ATP13A3: variants seen among roughly 807,000 people sequenced by gnomAD.
ATP13A3 encodes ATPase 13A3.
In ATP13A3, 59 loss-of-function variants were observed where a neutral mutation model predicts 158.1. The ratio of observed to expected loss-of-function variants is 0.37; its 90% CI spans 0.30 to 0.46. The LOEUF (loss-of-function observed/expected upper bound fraction) is 0.46. Among genes scored for constraint, ATP13A3 ranks in the 20% least tolerant of loss-of-function variants. ATP13A3 has a pLI of 1.00. For synonymous variants in ATP13A3, 491 were observed against 504.3 expected (o/e 0.97, Z 0.35); for missense variants, 1,166 against 1,525.2 (o/e 0.76, Z 3.92).
rs1721178871 is a variant in ATP13A3 at position 194,494,179 on chromosome 3, G to A, written n.617C>T. Reference sequence around the variant, plus strand: ...CTCGCATCAAAACTCTGGATTATCTGTTTAAGCACCCAGACTTCCACCTCC... The same window carrying A: ...CTCGCATCAAAACTCTGGATTATCTATTTAAGCACCCAGACTTCCACCTCC... On this transcript the variant is annotated non_coding_transcript_exon_variant, in exon 2 of 33. Transcript: ENST00000687055. This position sits in a 1 kb window ranked among gnomAD's most constrained non-coding sequence, Gnocchi z 4.2. 1 of 398,478 alleles carries A rather than the reference G, an allele frequency of 2.5e-6. No individual in the cohort carries two copies. The highest frequency in any genetic ancestry group is 1.3e-4 in the South Asian group (1 of 7,856). The allele number at this position is 398,478 out of a possible 1,614,324, so 24.7% of individuals were successfully genotyped here.
chr3:194,431,130 C>T lies in ATP13A3; in HGVS notation c.2518G>A (p.Glu840Lys). 6.2e-7 allele frequency: 1 copy of T among 1,613,884 alleles called. No homozygotes were observed. Among genetic ancestry groups the T allele is most frequent in the Non-Finnish European group, 8.5e-7 (1 of 1,179,842 alleles). The change falls in exon 23 of 34, where the codon GAG (glutamate) becomes AAG (lysine). Residue 840 changes from glutamate to lysine, a missense_variant. By Grantham distance (56) the Glu-to-Lys change is moderately conservative (BLOSUM62 1). This residue lies in a region of ATP13A3 where 997 missense variants were observed against 1,341.2 expected (regional missense o/e 0.74). Transcript: ENST00000645319. ...MNGKSFSVIL[E>K]HFQDLVPKLM... ...TTAGGAACAAGGTCTTGAAAATGCT[C>T]CAGTATCACTGAGAATGATTTTCCA...
At position 194,450,230 on chromosome 3, in the gene ATP13A3, C is replaced by T; in HGVS notation, c.885G>A (p.Met295Ile). The T allele has an allele frequency of 6.2e-7, 1 of 1,613,432 alleles. No individual in the cohort carries two copies. The highest frequency in any genetic ancestry group is 8.5e-7 in the Non-Finnish European group (1 of 1,179,454). The stretch of plus-strand genomic sequence containing the variant: ...TTATTGTCCCATTTAATGGAATGAC[C>T]ATGACATCTCCTGGCACAAGGTCGG... ...FSTDLVPGDVMVIPLNGTIMP... is the reference protein window; with the variant it reads ...FSTDLVPGDVIVIPLNGTIMP... The change falls in exon 11 of 34, where the codon ATG becomes ATA. Residue 295 changes from methionine (M) to isoleucine (I), a missense_variant. Around this residue, in one of 3 missense-constraint regions of ATP13A3, gnomAD observed 997 missense variants for 1,341.2 expected, o/e 0.74. Coordinates refer to ENST00000645319, the MANE Select transcript of ATP13A3 (RefSeq NM_001367549.1).
chr3:194,425,746 T>C (rs1376054571), intron 29 of ATP13A3, among the ~76,000 whole-genome samples: 1 of 152,188 alleles, frequency 6.6e-6, no homozygotes, highest in Admixed American at 6.5e-5. Flanking sequence ...ACTTAAAAAA[T>C]TAGAATCAAG....
At chr3:194,423,940 T>TAA (rs11375155) in intron 30 of ATP13A3, among the ~76,000 whole-genome samples, 18 of 143,766 alleles carry the variant, frequency 1.3e-4, no homozygotes, top group South Asian at 4.4e-4. Context: ...TTCTTCAAAT[T>TAA]AAAAAAAAAA....
chr3:194,461,794 C>G (rs1447718262), intron 3 of ATP13A3, among the ~76,000 whole-genome samples: 2 of 152,108 alleles, frequency 1.3e-5, no homozygotes, highest in Non-Finnish European at 2.9e-5. Flanking sequence ...TTTTATTAAG[C>G]TGATTTTAGA....
intron 21 of ATP13A3, among the ~76,000 whole-genome samples, chr3:194,433,235 T>C (rs1032938562): frequency 1.4e-5 from 2 of 141,142 alleles, no homozygotes; most frequent in Non-Finnish European, 3.1e-5. Flanking sequence ...TACTATTCTT[T>C]TTTTTTTTTT....
At chr3:194,456,024 G>T in intron 7 of ATP13A3, 62 bp from the exon 8 acceptor site, 3 of 1,055,804 alleles carry the variant, frequency 2.8e-6, no homozygotes, top group South Asian at 1.7e-5. Flanking sequence ...TTTACGAAAG[G>T]CATTGTATTA....
intron 2 of ATP13A3, among the ~76,000 whole-genome samples, chr3:194,463,911 G>A (rs987125389): frequency 6.6e-6 from 1 of 152,246 alleles, no homozygotes; most frequent in Non-Finnish European, 1.5e-5. Context: ...TGTAATCCCA[G>A]CGCTCTGGGA....
At chr3:194,417,441 AC>A in intron 31 of ATP13A3, among the ~76,000 whole-genome samples, 1 of 150,898 alleles carries the variant, frequency 6.6e-6, no homozygotes, top group South Asian at 2.1e-4. Context: ...ACACACACAC[AC>A]ACAAAAGGAG....
chr3:194,456,321 G>A (rs867282150), intron 7 of ATP13A3, among the ~76,000 whole-genome samples: 10 of 142,246 alleles, frequency 7.0e-5, no homozygotes, highest in African/African-American at 2.5e-4. Context: ...TAAATTTGAG[G>A]GATCTTATTT....
At chr3:194,439,050 C>T in intron 16 of ATP13A3, 78 bp from the exon 17 acceptor site, 1 of 909,460 alleles carries the variant, frequency 1.1e-6, no homozygotes, top group Non-Finnish European at 1.6e-6. Context: ...TTCATGGTTC[C>T]ATTTTTAAAT....
chr3:194,415,488 T>C (rs1232794723), intron 31 of ATP13A3, among the ~76,000 whole-genome samples: 4 of 152,252 alleles, frequency 2.6e-5, no homozygotes, highest in Middle Eastern at 6.8e-3. Context: ...GAAACAGACA[T>C]ATACTGCTGG....
At chr3:194,480,982 G>C (rs111456510) in intron 2 of ATP13A3, among the ~76,000 whole-genome samples, 3,822 of 152,234 alleles carry the variant, frequency 0.025, 99 homozygotes, top group African/African-American at 0.067. Context: ...CACTAGAATT[G>C]AAAGACAGAA....
At chr3:194,484,602 G>A (rs1370719771) in intron 2 of ATP13A3, among the ~76,000 whole-genome samples, 1 of 152,196 alleles carries the variant, frequency 6.6e-6, no homozygotes, top group Non-Finnish European at 1.5e-5. Flanking sequence ...CAGTCTCAGT[G>A]ATGTTGGAAA....
Position 194,406,258 on chromosome 3 carries a change from A to G in ATP13A3, c.3574-142T>C, listed in dbSNP as rs187727907. ...AGCACAACGAATGGGGGAAAAAAAA[A>G]TCCATGTTAAAAAAAGGCAGCTTTG... is the stretch of plus-strand genomic sequence containing the variant. On this transcript the variant is annotated intron_variant, in intron 33 of 33. Transcript: ENST00000645319. 507 of 927,044 alleles carry G rather than the reference A, an allele frequency of 5.5e-4. 1 individual carries two copies. Among genetic ancestry groups the G allele is most frequent in the Non-Finnish European group, 2.6e-4 (167 of 636,480 alleles). The allele number at this position is 927,044 out of a possible 1,614,324, so 57.4% of individuals were successfully genotyped here. A position where few individuals can be genotyped will look rare whatever the true frequency, so the allele number is the denominator to read the frequency against.
chr3:194,417,104 GT>G (rs1386931382), intron 31 of ATP13A3, among the ~76,000 whole-genome samples: 15 of 152,076 alleles, frequency 9.9e-5, no homozygotes, highest in African/African-American at 3.4e-4. Context: ...AATTCTAATA[GT>G]TCCGAAAGGG....
intron 3 of ATP13A3, among the ~76,000 whole-genome samples, chr3:194,461,274 T>A (rs1719640819): frequency 6.6e-6 from 1 of 152,186 alleles, no homozygotes; most frequent in Non-Finnish European, 1.5e-5. Flanking sequence ...TTCCTGTACA[T>A]CCTTTGTGCA....
Position 194,437,116 on chromosome 3 carries a change from T to C in ATP13A3, c.2099A>G (p.His700Arg), listed in dbSNP as rs1717698399. The change falls in exon 20 of 34, where the codon CAT becomes CGT. Residue 700 changes from histidine to arginine, a missense_variant. Coordinates refer to ENST00000645319, the MANE Select transcript of ATP13A3 (RefSeq NM_001367549.1). Reference protein sequence around the residue: ...HRKLESKLTWHKVQNISRDAI... With the variant: ...HRKLESKLTWRKVQNISRDAI... The stretch of plus-strand genomic sequence containing the variant: ...TCACCTGCTAATATTCTGTACTTTA[T>C]GCCATGTCAGTTTTGACTCCAATTT... The C allele has an allele frequency of 6.2e-7, 1 of 1,614,232 alleles. No individual in the cohort carries two copies. The highest frequency in any genetic ancestry group is 8.5e-7 in the Non-Finnish European group (1 of 1,180,036).
intron 2 of ATP13A3, among the ~76,000 whole-genome samples, chr3:194,482,695 G>A (rs1465964716): frequency 6.6e-6 from 1 of 152,166 alleles, no homozygotes; most frequent in African/African-American, 2.4e-5. Context: ...GGTTTTGGCT[G>A]GGCAAGGTGG....
Sources: allele counts gnomAD v4.1 joint callset (sites outside exome capture counted in the v4.1 genomes callset), GRCh38; gene constraint gnomAD v4.1.1; regional missense constraint gnomAD v4.1.1; non-coding constraint Gnocchi (gnomAD v3.1); transcripts MANE v1.5; gene names NCBI Gene and HGNC (gene_info 2026-07-23, HGNC 2026-07-21).